NBEA: variants seen among roughly 807,000 people sequenced by gnomAD.
NBEA encodes neurobeachin, also known as lysosomal-trafficking regulator 2.
In NBEA, 44 loss-of-function variants were observed where a neutral mutation model predicts 343.4. The observed-to-expected ratio is 0.13, with a 90% CI of 0.10 to 0.16. NBEA has a LOEUF of 0.16. Among genes scored for constraint, NBEA ranks in the 10% least tolerant of loss-of-function variants. The pLI is 1.00. For missense variants in NBEA, 2,555 were observed against 3,631.3 expected (o/e 0.70, Z 7.62); for synonymous variants, 1,175 against 1,238.7 (o/e 0.95, Z 1.08).
At position 35,143,903 on chromosome 13, in the gene NBEA, C is replaced by A. The variant is rs9573286; in HGVS notation, c.2445+1526C>A. Among the ~76,000 whole-genome samples the A allele has an allele frequency of 7.1e-3, 917 of 129,398 alleles. 7 individuals are homozygous for A. The highest frequency in any genetic ancestry group is 0.023 in the African/African-American group (786 of 33,772). 84.9% of individuals were successfully genotyped at this position (129,398 alleles called of 152,430 possible). A position where few individuals can be genotyped will look rare whatever the true frequency, so the allele number is the denominator to read the frequency against. On this transcript the variant is annotated intron_variant, in intron 18 of 58. Transcript: ENST00000379939. ...ACCCTGTCCCCTTCAAAAAAAAAAA[C>A]AAAAAAAAAAACAAAAACAAATTTA...
intron 1 of NBEA, among the ~76,000 whole-genome samples, chr13:35,016,837 TAGAA>T (rs2061676676): frequency 6.6e-6 from 1 of 152,090 alleles, no homozygotes; most frequent in Non-Finnish European, 1.5e-5. Context: ...AAGAGCATGT[TAGAA>T]AGAAGGAACA....
At chr13:35,115,683 A>G (rs2066459749) in intron 13 of NBEA, among the ~76,000 whole-genome samples, 1 of 152,204 alleles carries the variant, frequency 6.6e-6, no homozygotes, top group Non-Finnish European at 1.5e-5. Flanking sequence ...TATCATGCAC[A>G]AAGCACACAA....
At chr13:35,012,278 G>A (rs2061513751) in intron 1 of NBEA, among the ~76,000 whole-genome samples, 1 of 152,108 alleles carries the variant, frequency 6.6e-6, no homozygotes, top group Non-Finnish European at 1.5e-5. Context: ...GGGAGAGAGA[G>A]CAAGAGGGGG....
intron 10 of NBEA, among the ~76,000 whole-genome samples, chr13:35,082,515 C>G (rs2064470110): frequency 6.6e-6 from 1 of 152,192 alleles, no homozygotes; most frequent in Non-Finnish European, 1.5e-5. Context: ...AATGGTTGAA[C>G]TAGTTTACAG....
chr13:35,080,945 T>G (rs2064359778), intron 10 of NBEA, among the ~76,000 whole-genome samples: 1 of 152,144 alleles, frequency 6.6e-6, no homozygotes. Context: ...TGGTGGAGCT[T>G]TAATGAGGAT....
chr13:35,416,685 G>A (rs1021579022), intron 38 of NBEA, among the ~76,000 whole-genome samples: 1 of 152,112 alleles, frequency 6.6e-6, no homozygotes, highest in African/African-American at 2.4e-5. Context: ...AAGGATATTG[G>A]TCTAAAATTC....
chr13:35,472,658 A>G (rs1166684783), intron 41 of NBEA, 122 bp downstream of exon 41: 2 of 933,042 alleles, frequency 2.1e-6, no homozygotes, highest in Non-Finnish European at 3.3e-6. Context: ...CTCATAGAAA[A>G]TAAAATGAAT....
chr13:35,481,863 G>A (rs1487305593), intron 41 of NBEA, among the ~76,000 whole-genome samples: 1 of 151,640 alleles, frequency 6.6e-6, no homozygotes, highest in Non-Finnish European at 1.5e-5. Context: ...TACATTTTTA[G>A]TACTCTTAAT....
At chr13:35,308,870 G>C (rs1044691660) in intron 35 of NBEA, among the ~76,000 whole-genome samples, 1 of 151,168 alleles carries the variant, frequency 6.6e-6, no homozygotes, top group Admixed American at 6.6e-5. Flanking sequence ...TGTTCATAAT[G>C]ATGAGCCTTA....
intron 35 of NBEA, among the ~76,000 whole-genome samples, chr13:35,301,166 A>T (rs1594129652): frequency 6.6e-6 from 1 of 151,588 alleles, no homozygotes; most frequent in Middle Eastern, 3.5e-3. Context: ...AGAGTCCACA[A>T]TATGTTTTTT....
chr13:35,661,770 G>T (rs1254787564), intron 55 of NBEA, among the ~76,000 whole-genome samples: 2 of 152,068 alleles, frequency 1.3e-5, no homozygotes, highest in African/African-American at 4.8e-5. Context: ...CCCTTATTCT[G>T]GGATTTTAAC....
chr13:35,665,172 T>C lies in NBEA; in HGVS notation c.8450T>C (p.Ile2817Thr). 1.3e-6 allele frequency: 2 copies of C among 1,588,336 alleles called. No individual in the cohort carries two copies. The highest frequency in any genetic ancestry group is 2.7e-5 in the African/African-American group (2 of 74,794). The change falls in exon 56 of 59, where the codon ATC (isoleucine) becomes ACC (threonine). Residue 2817 changes from isoleucine to threonine, a missense_variant. Around this residue, in one of 21 missense-constraint regions of NBEA, gnomAD observed 186 missense variants for 328.9 expected, o/e 0.57. Transcript: ENST00000379939. ...GTCTGTGCAGAACTTGGGCTTGTTA[T>C]CAGTGGTGCTAAAGGTCAGAAGTCA... ...VSVCAELGLV[I>T]SGAKEGPCLV...
At chr13:35,407,363 A>G (rs1345988906) in intron 38 of NBEA, among the ~76,000 whole-genome samples, 1 of 152,126 alleles carries the variant, frequency 6.6e-6, no homozygotes. Context: ...CTTATAGGGA[A>G]TGATAACCAA....
intron 35 of NBEA, among the ~76,000 whole-genome samples, chr13:35,298,923 T>C (rs2036345123): frequency 6.6e-6 from 1 of 152,056 alleles, no homozygotes; most frequent in Non-Finnish European, 1.5e-5. Context: ...GAAATGAAAA[T>C]GAAATAAATG....
intron 34 of NBEA, among the ~76,000 whole-genome samples, chr13:35,275,489 C>T (rs1433965884): frequency 6.6e-6 from 1 of 152,020 alleles, no homozygotes; most frequent in Non-Finnish European, 1.5e-5. Context: ...GCAACAAAAG[C>T]CAAAATAGAC....
In NBEA at chr13:35,173,499, C is replaced by T. The variant is rs1469659331; in HGVS notation, c.4459C>T (p.Arg1487Trp). The T allele has an allele frequency of 1.2e-6, 2 of 1,608,938 alleles. No individual in the cohort carries two copies. The highest frequency in any genetic ancestry group is 8.5e-7 in the Non-Finnish European group (1 of 1,176,980). Residue 1487 changes from arginine to tryptophan, a missense_variant, in exon 27 of 59, where the codon CGG becomes TGG. This residue lies in a region of NBEA where 168 missense variants were observed against 193.0 expected (regional missense o/e 0.87). Coordinates refer to ENST00000379939, the MANE Select transcript of NBEA (RefSeq NM_001385012.1). ...TGCTGTGAGAAACTGTTTAGAATGT[C>T]GGCAAAGACAGAGAGACAGGGGAAA... ...CVAVRNCLEC[R>W]QRQRDRGNKS...
intron 39 of NBEA, among the ~76,000 whole-genome samples, chr13:35,436,707 C>CA (rs71081254): frequency 0.3 from 23,709 of 80,058 alleles, 2,420 homozygotes; most frequent in East Asian, 0.39. Flanking sequence ...GACTCCGTCT[C>CA]AAAAAAAAAA....
intron 16 of NBEA, among the ~76,000 whole-genome samples, chr13:35,121,293 G>A (rs1351714037): frequency 6.6e-6 from 1 of 151,966 alleles, no homozygotes. Context: ...TTTTGGTAGA[G>A]ACAGGGTTTC....
intron 41 of NBEA, among the ~76,000 whole-genome samples, chr13:35,482,322 T>G (rs1017569706): frequency 2.0e-5 from 3 of 151,538 alleles, no homozygotes; most frequent in African/African-American, 7.2e-5. Context: ...TCTTTATATC[T>G]TTACATATAA....
Sources: gnomAD v4.1 joint callset for allele counts (sites outside exome capture counted in the v4.1 genomes callset) on GRCh38, gnomAD v4.1.1 for gene constraint, gnomAD v4.1.1 regional missense constraint, MANE v1.5 for transcripts, NCBI Gene and HGNC (gene_info 2026-07-23, HGNC 2026-07-21) for gene names.